FGF16: variants seen among roughly 807,000 people sequenced by gnomAD.
The protein encoded by FGF16 is metacarpal 4-5 fusion.
A neutral mutation model predicts 8.5 loss-of-function variants in FGF16; 2 were observed. The ratio of observed to expected loss-of-function variants is 0.24; its 90% CI spans 0.10 to 0.75. The LOEUF (loss-of-function observed/expected upper bound fraction) is 0.75, where lower values mean the gene tolerates loss of function less well. Ranked by LOEUF, FGF16 falls within the 30% of genes least tolerant of loss-of-function variation. The pLI is 0.74. For synonymous variants in FGF16, 33 were observed against 34.6 expected, an observed-to-expected ratio of 0.95 and a Z score of 0.16; for missense variants, 79 against 87.4, an observed-to-expected ratio of 0.90 and a Z score of 0.38.
At chrX:77,452,541 C>T (rs1557026754) in intron 1 of FGF16, among the ~76,000 whole-genome samples, 1 of 112,566 alleles carries the variant, frequency 8.9e-6, no homozygotes, top group Non-Finnish European at 1.9e-5. Context: ...CCTGAGTGTT[C>T]TATAGAATTG....
rs1210280843 is a variant in FGF16, at chrX:77,447,809, G to T, written c.135G>T (p.Leu45=). The T allele has an allele frequency of 6.7e-6, 2 of 297,142 alleles. No individual in the cohort carries two copies. The highest frequency in any genetic ancestry group is 2.7e-5 in the African/African-American group (1 of 36,875). The allele number at this position is 297,142 out of a possible 1,213,427, so 24.5% of individuals were successfully genotyped here. The change falls in exon 1 of 3, where the codon CTG becomes CTT. Residue 45 remains leucine, a synonymous_variant. Coordinates refer to ENST00000439435, the MANE Select transcript of FGF16 (RefSeq NM_003868.3). ...NERLGQIEGK[L]QRGSPTDFAH... is the part of the protein sequence containing the mutation. ...GCCTGGGCCAAATCGAGGGGAAGCT[G>T]CAGCGTGGCTCACCCACAGACTTCG...
rs782034788 is a variant in FGF16 at position 77,454,272 on chromosome X, G to GTTTTTTTTTTT, written c.378+32_378+42dup. The stretch of plus-strand genomic sequence containing the variant: ...AACTCTATGGGTCGGTAAGTTTAAG[G>GTTTTTTTTTTT]TTTTTTTTTTTTTTTTTTTTTTTTT... On this transcript the variant is annotated intron_variant, in intron 2 of 2. Coordinates refer to ENST00000439435, the MANE Select transcript of FGF16 (RefSeq NM_003868.3). 8 of 151,460 alleles carry GTTTTTTTTTTT rather than the reference G, an allele frequency of 5.3e-5. No individual in the cohort carries two copies. The highest frequency in any genetic ancestry group is 1.4e-4 in the Admixed American group (1 of 7,009). The allele number at this position is 151,460 out of a possible 1,213,427, so 12.5% of individuals were successfully genotyped here. A position where few individuals can be genotyped will look rare whatever the true frequency, so the allele number is the denominator to read the frequency against.
chrX:77,454,277 T>G lies in FGF16; in HGVS notation c.378+17T>G, dbSNP rs1012156252. ...TATGGGTCGGTAAGTTTAAGGTTTT[T>G]TTTTTTTTTTTTTTTTTTTTTTTTT... On this transcript the variant is annotated intron_variant, in intron 2 of 2. Coordinates refer to ENST00000439435, the MANE Select transcript of FGF16 (RefSeq NM_003868.3). 6 of 661,520 alleles carry G rather than the reference T, an allele frequency of 9.1e-6. No individual in the cohort carries two copies. Among genetic ancestry groups the G allele is most frequent in the African/African-American group, 8.2e-5 (3 of 36,733 alleles). 54.5% of individuals were successfully genotyped at this position (661,520 alleles called of 1,213,427 possible). A position where few individuals can be genotyped will look rare whatever the true frequency, so the allele number is the denominator to read the frequency against.
At chrX:77,449,884 C>T (rs781905144) in intron 1 of FGF16, among the ~76,000 whole-genome samples, 3 of 112,193 alleles carry the variant, frequency 2.7e-5, no homozygotes, top group Non-Finnish European at 5.6e-5. Context: ...TGGCTAAGAG[C>T]ACCTCTGCAT....
chrX:77,455,191 G>A (rs1356841635), intron 2 of FGF16, among the ~76,000 whole-genome samples: 1 of 112,299 alleles, frequency 8.9e-6, no homozygotes, highest in Non-Finnish European at 1.9e-5. Flanking sequence ...GTGCTGGTTT[G>A]GCAGTAGATG....
chrX:77,451,854 C>T (rs1325185038), intron 1 of FGF16, among the ~76,000 whole-genome samples: 2 of 111,866 alleles, frequency 1.8e-5, no homozygotes, highest in African/African-American at 6.5e-5. Context: ...GGTAGACTTG[C>T]GTGTAATTAA....
At position 77,456,701 on chromosome X, in the gene FGF16, T is replaced by G; in HGVS notation, c.*179T>G. ...GTTCAAAGTGTATATCAAGGTTGGG[T>G]TATTTTGGGGAGGGATGGGGGGCTG... On this transcript the variant is annotated 3_prime_UTR_variant, in exon 3 of 3. Transcript: ENST00000439435. 2.3e-6 allele frequency: 1 copy of G among 444,341 alleles called. No homozygotes were observed. Among genetic ancestry groups the G allele is most frequent in the East Asian group, 3.8e-5 (1 of 26,316 alleles). 36.6% of individuals were successfully genotyped at this position (444,341 alleles called of 1,213,427 possible). A position where few individuals can be genotyped will look rare whatever the true frequency, so the allele number is the denominator to read the frequency against.
chrX:77,450,465 A>G (rs1432102778), intron 1 of FGF16, among the ~76,000 whole-genome samples: 1 of 112,682 alleles, frequency 8.9e-6, no homozygotes, highest in Non-Finnish European at 1.9e-5. Flanking sequence ...GTTCACAAGG[A>G]TACTGACATT....
At position 77,447,446 on chromosome X, in the gene FGF16, T is replaced by G. The variant is rs1028313155; in HGVS notation, c.-229T>G. ...TGGATGCGGAGGGGAAGAGGCACTT[T>G]GACTGAGAGCAAGGTCAGGAGCACG... On this transcript the variant is annotated 5_prime_UTR_variant, in exon 1 of 3. Coordinates refer to ENST00000439435, the MANE Select transcript of FGF16 (RefSeq NM_003868.3). 3 of 265,918 alleles carry G rather than the reference T, an allele frequency of 1.1e-5. No homozygotes were observed. The highest frequency in any genetic ancestry group is 2.0e-5 in the Non-Finnish European group (3 of 151,201). 21.9% of individuals were successfully genotyped at this position (265,918 alleles called of 1,213,427 possible).
intron 2 of FGF16, among the ~76,000 whole-genome samples, chrX:77,454,656 A>G (rs979389877): frequency 1.9e-4 from 19 of 101,447 alleles, no homozygotes; most frequent in Non-Finnish European, 2.8e-4. Context: ...CTCCATCTCA[A>G]AAAAAAAAGA....
At position 77,457,264 on chromosome X, in the gene FGF16, G is replaced by GTCTT. The variant is rs1442586577; in HGVS notation, c.*744_*747dup. ...AAGGCTTTTACTGACAATAAAATTT[G>GTCTT]TCTTTATATTGTAAGATTCTGTCTA... is the stretch of plus-strand genomic sequence containing the variant. On this transcript the variant is annotated 3_prime_UTR_variant, in exon 3 of 3. Transcript: ENST00000439435. The GTCTT allele has an allele frequency of 1.2e-4, 13 of 111,908 alleles. No homozygotes were observed. The highest frequency in any genetic ancestry group is 2.1e-4 in the Non-Finnish European group (11 of 53,180). The allele number at this position is 111,908 out of a possible 1,213,427, so 9.2% of individuals were successfully genotyped here.
chrX:77,449,359 G>A (rs1157883861), intron 1 of FGF16, among the ~76,000 whole-genome samples: 2 of 111,532 alleles, frequency 1.8e-5, no homozygotes, highest in African/African-American at 6.5e-5. Context: ...ATAAGGTGGA[G>A]TGGGAGGAGA....
chrX:77,455,654 C>T (rs1031171874), intron 2 of FGF16, among the ~76,000 whole-genome samples: 1 of 111,454 alleles, frequency 9.0e-6, no homozygotes, highest in South Asian at 3.8e-4. Context: ...AGGCCTGTCC[C>T]CAGCACTCAG....
At position 77,447,789 on chromosome X, in the gene FGF16, G is replaced by A. The variant is rs1257236274; in HGVS notation, c.115G>A (p.Gly39Ser). 3.4e-6 allele frequency: 1 copy of A among 297,046 alleles called. No individual in the cohort carries two copies. Among genetic ancestry groups the A allele is most frequent in the African/African-American group, 2.7e-5 (1 of 36,819 alleles). 24.5% of individuals were successfully genotyped at this position (297,046 alleles called of 1,213,427 possible). The change falls in exon 1 of 3, where the codon GGC becomes AGC. Residue 39 changes from glycine (G) to serine (S), a missense_variant. Coordinates refer to ENST00000439435, the MANE Select transcript of FGF16 (RefSeq NM_003868.3). ...CCCAGGTTTCCTGAACGAGCGCCTGGGCCAAATCGAGGGGAAGCTGCAGCG... is the reference window on the plus strand; with the variant it reads ...CCCAGGTTTCCTGAACGAGCGCCTGAGCCAAATCGAGGGGAAGCTGCAGCG... ...DSPGFLNERL[G>S]QIEGKLQRGS...
intron 1 of FGF16, among the ~76,000 whole-genome samples, chrX:77,453,389 C>T (rs916343646): frequency 8.9e-6 from 1 of 111,945 alleles, no homozygotes; most frequent in Non-Finnish European, 1.9e-5. Context: ...TAATATTGTC[C>T]GCTAGGAGGA....
intron 2 of FGF16, among the ~76,000 whole-genome samples, chrX:77,455,046 G>A (rs1029277590): frequency 6.3e-5 from 7 of 111,346 alleles, no homozygotes; most frequent in South Asian, 3.8e-4. Flanking sequence ...TGATCCACCC[G>A]CCTTGGCCTC....
chrX:77,449,466 C>T lies in FGF16; in HGVS notation c.274+1518C>T, dbSNP rs371435941. On this transcript the variant is annotated intron_variant, in intron 1 of 2. Transcript: ENST00000439435. The stretch of plus-strand genomic sequence containing the variant: ...AGGAATAGGACTCCCACACTGGCCT[C>T]AGAGGCTTCCTGAAATGGCATAAAG... Among the ~76,000 whole-genome samples, 8 of 110,686 alleles carry T rather than the reference C, an allele frequency of 7.2e-5. No homozygotes were observed. In the East Asian group the frequency reaches 2.3e-3, roughly 31 times the overall value.
intron 1 of FGF16, among the ~76,000 whole-genome samples, 200 bp downstream of exon 1, chrX:77,448,148 G>C (rs1434876120): frequency 8.8e-6 from 1 of 113,551 alleles, no homozygotes; most frequent in Non-Finnish European, 1.9e-5. Context: ...GGTGGGGGCG[G>C]GGGCGCCTTG....
Position 77,447,704 on chromosome X carries a change from C to T in FGF16, c.30C>T (p.Ser10=), listed in dbSNP as rs1444124633. The change falls in exon 1 of 3, where the codon TCC becomes TCT. Residue 10 remains serine (S), a synonymous_variant. Transcript: ENST00000439435. MAEVGGVFA[S]LDWDLHGFSS... Reference sequence around the variant, plus strand: ...CAGAGGTGGGGGGCGTCTTCGCCTCCTTGGACTGGGATCTACACGGCTTCT... The same window carrying T: ...CAGAGGTGGGGGGCGTCTTCGCCTCTTTGGACTGGGATCTACACGGCTTCT... 6.8e-6 allele frequency: 2 copies of T among 295,755 alleles called. No individual in the cohort carries two copies. Among genetic ancestry groups the T allele is most frequent in the African/African-American group, 5.5e-5 (2 of 36,437 alleles). 24.4% of individuals were successfully genotyped at this position (295,755 alleles called of 1,213,427 possible). A position where few individuals can be genotyped will look rare whatever the true frequency, so the allele number is the denominator to read the frequency against.
Sources: gnomAD v4.1 joint callset for allele counts (sites outside exome capture counted in the v4.1 genomes callset) on GRCh38, gnomAD v4.1.1 for gene constraint, MANE v1.5 for transcripts, NCBI Gene and HGNC (gene_info 2026-07-23, HGNC 2026-07-21) for gene names.